The following STK32B variants were observed in gnomAD, a reference collection of about 807,000 sequenced individuals.
The protein encoded by STK32B is serine/threonine-protein kinase 32B.
A neutral mutation model predicts 52.6 loss-of-function variants in STK32B; 43 were observed. The ratio of observed to expected loss-of-function variants is 0.82; its 90% CI spans 0.64 to 1.05. The LOEUF (loss-of-function observed/expected upper bound fraction) is 1.05. Ranked by LOEUF, STK32B falls within the 50% of genes least tolerant of loss-of-function variation. The pLI is 0.00. For synonymous variants in STK32B, 238 were observed against 204.3 expected (o/e 1.17, Z -1.41); for missense variants, 621 against 534.6 (o/e 1.16, Z -1.59).
intron 1 of STK32B, among the ~76,000 whole-genome samples, chr4:5,073,387 T>G (rs1711889973): frequency 1.3e-5 from 2 of 152,086 alleles, no homozygotes; most frequent in Non-Finnish European, 2.9e-5. Context: ...CAAATGAAAG[T>G]TTAAAAACTT....
chr4:5,148,093 G>T (rs1322755719), intron 2 of STK32B, among the ~76,000 whole-genome samples: 1 of 151,814 alleles, frequency 6.6e-6, no homozygotes, highest in African/African-American at 2.4e-5. Context: ...AAGGCACTCA[G>T]ATTTTGTGTT....
At chr4:5,268,218 A>C (rs1336395360) in intron 3 of STK32B, among the ~76,000 whole-genome samples, 1 of 152,150 alleles carries the variant, frequency 6.6e-6, no homozygotes, top group Non-Finnish European at 1.5e-5. Context: ...ACTCCGCTGC[A>C]TACCTTTTTC....
At chr4:5,329,742 G>A (rs866976132) in intron 3 of STK32B, among the ~76,000 whole-genome samples, 14 of 152,164 alleles carry the variant, frequency 9.2e-5, no homozygotes, top group African/African-American at 2.7e-4. Flanking sequence ...ATCTGGGGAC[G>A]CAATAAACAG....
chr4:5,427,313 T>C (rs970662641), intron 6 of STK32B, among the ~76,000 whole-genome samples: 2 of 151,998 alleles, frequency 1.3e-5, no homozygotes, highest in African/African-American at 2.4e-5. Context: ...GTTCATAATA[T>C]TTACATCTAG....
the STK32B span, among the ~76,000 whole-genome samples, chr4:5,032,874 A>T: frequency 5.3e-5 from 8 of 151,892 alleles, no homozygotes; most frequent in South Asian, 1.5e-3. Flanking sequence ...AAAGGTTTAA[A>T]CTCAAACCAG....
intron 11 of STK32B, among the ~76,000 whole-genome samples, chr4:5,476,892 C>G (rs2109188515): frequency 6.6e-6 from 1 of 151,492 alleles, no homozygotes; most frequent in East Asian, 1.9e-4. Context: ...CTGCCACAAC[C>G]CAAGGGATGC....
chr4:5,258,422 T>C (rs1210341395), intron 3 of STK32B, among the ~76,000 whole-genome samples: 1 of 152,292 alleles, frequency 6.6e-6, no homozygotes, highest in Non-Finnish European at 1.5e-5. Flanking sequence ...ATGTTGCTGG[T>C]GAATGTTCAT....
At chr4:5,221,827 G>T (rs1212901921) in intron 3 of STK32B, among the ~76,000 whole-genome samples, 1 of 130,654 alleles carries the variant, frequency 7.7e-6, no homozygotes, top group Non-Finnish European at 1.5e-5. Context: ...CTGCATTCCA[G>T]CCTGGAGACA....
intron 6 of STK32B, among the ~76,000 whole-genome samples, chr4:5,432,998 C>T (rs1279810426): frequency 6.6e-6 from 1 of 152,114 alleles, no homozygotes; most frequent in East Asian, 1.9e-4. Flanking sequence ...GGTTCAGTTG[C>T]AGGCCTGAGT....
At chr4:5,370,584 G>C (rs1735162356) in intron 4 of STK32B, among the ~76,000 whole-genome samples, 1 of 152,160 alleles carries the variant, frequency 6.6e-6, no homozygotes, top group Non-Finnish European at 1.5e-5. Flanking sequence ...ACAGAGCAAA[G>C]TCACTGGACT....
chr4:5,399,379 C>A lies in STK32B; in HGVS notation c.472+1135C>A, dbSNP rs186718664. On this transcript the variant is annotated intron_variant, in intron 5 of 11. Transcript: ENST00000282908. The surrounding 1 kb of genome is among the most constrained non-coding windows in gnomAD (Gnocchi z 5.4). ...TCTCGAACCTTCCATGAGCCAGCAG[C>A]ATAGCTTGGGGCATCCTAACCTCAT... 3.5e-3 allele frequency among the ~76,000 whole-genome samples: 527 copies of A among 152,262 alleles called. 1 individual carries two copies. Among genetic ancestry groups the A allele is most frequent in the African/African-American group, 0.012 (509 of 41,534 alleles).
intron 1 of STK32B, among the ~76,000 whole-genome samples, chr4:5,106,307 A>C (rs2108798740): frequency 6.6e-6 from 1 of 152,290 alleles, no homozygotes; most frequent in Admixed American, 6.5e-5. Flanking sequence ...TCTCAAAAAA[A>C]ACTTTTTCTT....
chr4:5,316,107 T>C (rs1730664063), intron 3 of STK32B, among the ~76,000 whole-genome samples: 1 of 114,428 alleles, frequency 8.7e-6, no homozygotes, highest in Non-Finnish European at 1.6e-5. Flanking sequence ...CTACTTTCTG[T>C]ATAAATATAT....
intron 4 of STK32B, among the ~76,000 whole-genome samples, chr4:5,363,531 C>T (rs1003936529): frequency 6.6e-6 from 1 of 152,104 alleles, no homozygotes; most frequent in South Asian, 2.1e-4. Flanking sequence ...TGTCTTAGCT[C>T]AGTTACTAAG....
intron 1 of STK32B, among the ~76,000 whole-genome samples, chr4:5,084,015 G>T (rs1183093911): frequency 6.6e-6 from 1 of 152,296 alleles, no homozygotes; most frequent in African/African-American, 2.4e-5. Context: ...GAGATTGCAG[G>T]CGTGAGCCAC....
chr4:5,345,200 A>G (rs986841658), intron 4 of STK32B: 1 of 151,894 alleles, frequency 6.6e-6, no homozygotes, highest in Non-Finnish European at 1.5e-5. Flanking sequence ...TTTTTTTGCT[A>G]TGACAGTATA....
At chr4:5,449,608 C>G (rs1225459953) in intron 7 of STK32B, among the ~76,000 whole-genome samples, 2 of 152,102 alleles carry the variant, frequency 1.3e-5, no homozygotes, top group Non-Finnish European at 2.9e-5. Flanking sequence ...CTGTTAGGAA[C>G]TGGCCGCACA....
chr4:5,211,431 C>T (rs985655690), intron 3 of STK32B, among the ~76,000 whole-genome samples: 1 of 151,996 alleles, frequency 6.6e-6, no homozygotes, highest in African/African-American at 2.4e-5. Flanking sequence ...ATCAGGAGCC[C>T]CCAGAGGTAG....
In STK32B at chr4:5,460,128, G is replaced by A. The variant is rs201405239; in HGVS notation, c.809G>A (p.Arg270His). 141 of 1,614,076 alleles carry A rather than the reference G, an allele frequency of 8.7e-5. No homozygotes were observed. Among genetic ancestry groups the A allele is most frequent in the Non-Finnish European group, 1.1e-4 (125 of 1,180,054 alleles). Residue 270 changes from arginine to histidine, a missense_variant, in exon 9 of 12, where the codon CGC becomes CAC. Arg to His is a conservative substitution (Grantham distance 29). Coordinates refer to ENST00000282908, the MANE Select transcript of STK32B (RefSeq NM_018401.3). The surrounding 1 kb of genome is among the most constrained non-coding windows in gnomAD (Gnocchi z 4.8). The stretch of plus-strand genomic sequence containing the variant: ...CTCCTGACCAAGGATCCTGAGAGCC[G>A]CGTGTCCAGCCTTCATGACATACAG... ...RKLLTKDPESRVSSLHDIQSV... is the reference protein window; with the variant it reads ...RKLLTKDPESHVSSLHDIQSV...
Sources: gnomAD v4.1 joint callset for allele counts (sites outside exome capture counted in the v4.1 genomes callset) on GRCh38, gnomAD v4.1.1 for gene constraint, Gnocchi (gnomAD v3.1) non-coding constraint, MANE v1.5 for transcripts, NCBI Gene and HGNC (gene_info 2026-07-23, HGNC 2026-07-21) for gene names.